VPS53: variants seen among roughly 807,000 people sequenced by gnomAD.
VPS53 encodes VPS53 subunit of GARP complex, also known as vacuolar protein sorting-associated protein 53 homolog.
A neutral mutation model predicts 107.0 loss-of-function variants in VPS53; 70 were observed. The observed-to-expected ratio is 0.65, with a 90% confidence interval of 0.54 to 0.80. The LOEUF (loss-of-function observed/expected upper bound fraction) is 0.80. Among genes scored for constraint, VPS53 ranks in the 30% least tolerant of loss-of-function variants. The pLI is 0.00. For synonymous variants in VPS53, 409 were observed against 393.3 expected (o/e 1.04, Z -0.47); for missense variants, 917 against 1,049.4 (o/e 0.87, Z 1.74).
intron 9 of VPS53, among the ~76,000 whole-genome samples, chr17:627,831 T>C (rs1200985596): frequency 2.0e-5 from 3 of 152,128 alleles, no homozygotes; most frequent in Non-Finnish European, 4.4e-5. Context: ...GGGTCCATGA[T>C]TGGCCTTCAG....
chr17:621,473 T>C (rs1026204115), intron 11 of VPS53, among the ~76,000 whole-genome samples: 2 of 152,222 alleles, frequency 1.3e-5, no homozygotes, highest in African/African-American at 4.8e-5. Context: ...TGACAGGACA[T>C]GCATATTTAC....
chr17:697,613 CAT>C (rs1462109289), intron 3 of VPS53, 129 bp from the exon 4 acceptor site: 9 of 744,458 alleles, frequency 1.2e-5, no homozygotes, highest in Admixed American at 4.7e-5. Flanking sequence ...GAAAACCAAA[CAT>C]GTGTGAGTGG....
intron 7 of VPS53, among the ~76,000 whole-genome samples, chr17:648,766 G>A (rs530048545): frequency 1.4e-5 from 2 of 141,480 alleles, no homozygotes; most frequent in East Asian, 4.6e-4. Flanking sequence ...AATGGAACAG[G>A]CACTGAAGAT....
intron 7 of VPS53, among the ~76,000 whole-genome samples, chr17:642,506 G>C (rs1011369905): frequency 4.0e-4 from 58 of 145,998 alleles, no homozygotes; most frequent in Admixed American, 1.4e-3. Context: ...TACTTGGAAA[G>C]CGAGGACAAC....
At chr17:702,944 G>A (rs1973262122) in intron 2 of VPS53, among the ~76,000 whole-genome samples, 1 of 152,216 alleles carries the variant, frequency 6.6e-6, no homozygotes, top group African/African-American at 2.4e-5. Context: ...GGTGGCTCAT[G>A]CCTGTAATCC....
chr17:560,389 A>G lies in VPS53; in HGVS notation c.1704+37T>C, dbSNP rs768403222. ...AGCGACGCAGCCCAGAGGGTTCAGG[A>G]AAAGGAGGTGGTGAGTGGGCAGCCA... On this transcript the variant is annotated intron_variant, in intron 15 of 21. Coordinates refer to ENST00000437048, the MANE Select transcript of VPS53 (RefSeq NM_001128159.3). 5 of 1,596,028 alleles carry G rather than the reference A, an allele frequency of 3.1e-6. No individual in the cohort carries two copies. The South Asian group carries it at 5.6e-5, about 18-fold the overall frequency.
At chr17:645,670 T>A (rs2143393219) in intron 7 of VPS53, among the ~76,000 whole-genome samples, 1 of 152,380 alleles carries the variant, frequency 6.6e-6, no homozygotes, top group East Asian at 1.9e-4. Flanking sequence ...CATTTTGAGT[T>A]ATTAACGAAT....
chr17:610,281 T>C (rs1466217967), intron 11 of VPS53, among the ~76,000 whole-genome samples: 3 of 152,280 alleles, frequency 2.0e-5, no homozygotes, highest in Admixed American at 6.5e-5. Flanking sequence ...TGAGTATCTA[T>C]AGAATAAAAT....
chr17:536,780 T>C (rs1355366517), intron 18 of VPS53: 2 of 438,938 alleles, frequency 4.6e-6, no homozygotes, highest in Non-Finnish European at 4.1e-6. Flanking sequence ...ACCGAGGGAA[T>C]GTCCAGCGCG....
intron 7 of VPS53, among the ~76,000 whole-genome samples, chr17:648,375 C>A (rs892509740): frequency 1.3e-5 from 2 of 152,102 alleles, no homozygotes; most frequent in Non-Finnish European, 2.9e-5. Flanking sequence ...CATGGTGAAA[C>A]CCTGTCTCTA....
At chr17:713,427 C>T (rs868165159) in intron 1 of VPS53, among the ~76,000 whole-genome samples, 16 of 151,860 alleles carry the variant, frequency 1.1e-4, no homozygotes, top group Admixed American at 9.2e-4. Flanking sequence ...CCGAGGCGGG[C>T]GGATAGCCTG....
chr17:661,715 G>T, intron 5 of VPS53, 94 bp downstream of exon 5: 1 of 1,210,438 alleles, frequency 8.3e-7, no homozygotes, highest in Non-Finnish European at 1.2e-6. Flanking sequence ...GGCAGGAGGT[G>T]CCATTATTAG....
At chr17:660,115 A>G (rs1971384485) in intron 5 of VPS53, among the ~76,000 whole-genome samples, 1 of 152,214 alleles carries the variant, frequency 6.6e-6, no homozygotes, top group Non-Finnish European at 1.5e-5. Flanking sequence ...GAAAACGGGT[A>G]GAGCATGAAA....
At chr17:555,153 T>C (rs1045890040) in intron 15 of VPS53, among the ~76,000 whole-genome samples, 5 of 152,234 alleles carry the variant, frequency 3.3e-5, no homozygotes, top group African/African-American at 9.6e-5. Flanking sequence ...TTCCTAACCA[T>C]GAATTGGGTC....
rs549908922 is a variant in VPS53 at position 560,683 on chromosome 17, G to A, written c.1557-110C>T. The A allele has an allele frequency of 2.4e-4, 317 of 1,308,414 alleles. 4 individuals are homozygous for A. The South Asian group carries it at 4.2e-3, about 17-fold the overall frequency. The allele number at this position is 1,308,414 out of a possible 1,614,324, so 81.1% of individuals were successfully genotyped here. On this transcript the variant is annotated intron_variant, in intron 14 of 21. Coordinates refer to ENST00000437048, the MANE Select transcript of VPS53 (RefSeq NM_001128159.3). ...AAAGGGGGAAGTAAAGGCTGGACAT[G>A]GCCCAAATCAATTCACATACAATGA...
At chr17:574,004 CAA>C (rs1914400325) in intron 13 of VPS53, among the ~76,000 whole-genome samples, 1 of 152,138 alleles carries the variant, frequency 6.6e-6, no homozygotes, top group Non-Finnish European at 1.5e-5. Flanking sequence ...ATTTTTTTGA[CAA>C]GAGCGTCGAT....
rs1909011517 is a variant in VPS53, at chr17:524,803, T to C, written c.2086-3065A>G. 6.6e-6 allele frequency among the ~76,000 whole-genome samples: 1 copy of C among 152,144 alleles called. No individual in the cohort carries two copies. Among genetic ancestry groups the C allele is most frequent in the Admixed American group, 6.5e-5 (1 of 15,274 alleles). On this transcript the variant is annotated intron_variant, in intron 19 of 21. Transcript: ENST00000437048. This position sits in a 1 kb window ranked among gnomAD's most constrained non-coding sequence, Gnocchi z 4.5. ...CCCATCAGAGTCAGAAGTAAACAGG[T>C]TGATAATCTAGTGTGGGCACGGCCA...
rs575020567 is a variant in VPS53, at chr17:620,275, C to T, written c.1116+3258G>A. On this transcript the variant is annotated intron_variant, in intron 11 of 21. Transcript: ENST00000437048. ...CAGTCCATTGCCTGAAAGGCCAGCC[C>T]GATTCACCTGCTCCACCCTGTCTAA... Among the ~76,000 whole-genome samples the T allele has an allele frequency of 5.3e-5, 8 of 152,320 alleles. No individual in the cohort carries two copies. In the South Asian group the frequency reaches 1.2e-3, roughly 24 times the overall value.
chr17:643,598 C>CACTCATACTTGGAAAG (rs1970548137), intron 7 of VPS53, among the ~76,000 whole-genome samples: 1 of 136,012 alleles, frequency 7.4e-6, no homozygotes, highest in Non-Finnish European at 1.6e-5. Context: ...TACTTGGCAA[C>CACTCATACTTGGAAAG]CGAGGACAAC....
Sources: gnomAD v4.1 joint callset for allele counts (sites outside exome capture counted in the v4.1 genomes callset) on GRCh38, gnomAD v4.1.1 for gene constraint, Gnocchi (gnomAD v3.1) non-coding constraint, MANE v1.5 for transcripts, NCBI Gene and HGNC (gene_info 2026-07-23, HGNC 2026-07-21) for gene names.